The following C20orf203 variants were observed in gnomAD, a reference collection of about 807,000 sequenced individuals.
The protein encoded by C20orf203 is chromosome 20 open reading frame 203, also known as uncharacterized protein C20orf203.
A neutral mutation model predicts 15.9 loss-of-function variants in C20orf203; 16 were observed. The observed-to-expected ratio is 1.01, with a 90% CI of 0.68 to 1.53. C20orf203 has a LOEUF of 1.53. Ranked by LOEUF, C20orf203 falls within the 40% of genes most tolerant of loss-of-function variation. C20orf203 has a pLI of 0.00. For missense variants in C20orf203, 263 were observed against 247.5 expected (o/e 1.06, Z -0.42); for synonymous variants, 98 against 97.2 (o/e 1.01, Z -0.05).
In C20orf203 at chr20:32,650,106, GC is replaced by G; in HGVS notation, c.*325del. On this transcript the variant is annotated 3_prime_UTR_variant, in exon 4 of 6. Transcript: ENST00000608990. ...CCTCCTCCCAGCACTCAGGGACCAAGCCAGAGAGATGTGCCAGCGCCTCCCA... is the reference window on the plus strand; with the variant it reads ...CCTCCTCCCAGCACTCAGGGACCAAGCAGAGAGATGTGCCAGCGCCTCCCA... 3.3e-6 allele frequency: 1 copy of G among 304,520 alleles called. No individual in the cohort carries two copies. The allele number at this position is 304,520 out of a possible 1,614,324, so 18.9% of individuals were successfully genotyped here. A position where few individuals can be genotyped will look rare whatever the true frequency, so the allele number is the denominator to read the frequency against.
At chr20:32,652,204 G>T (rs1291795618) in intron 1 of C20orf203, among the ~76,000 whole-genome samples, 2 of 151,372 alleles carry the variant, frequency 1.3e-5, no homozygotes, top group African/African-American at 4.9e-5. Flanking sequence ...AACTACTTGG[G>T]AGACTGAGGC....
intron 1 of C20orf203, among the ~76,000 whole-genome samples, chr20:32,652,250 C>T (rs529685863): frequency 1.5e-5 from 2 of 132,460 alleles, no homozygotes; most frequent in African/African-American, 5.8e-5. Context: ...GCAGAGGTTA[C>T]AGTGAACTGA....
At chr20:32,661,673 C>T (rs934413244) in intron 1 of C20orf203, among the ~76,000 whole-genome samples, 2 of 152,036 alleles carry the variant, frequency 1.3e-5, no homozygotes, top group Non-Finnish European at 2.9e-5. Context: ...GGGACTAAAT[C>T]AGGGCCCTGA....
At chr20:32,644,085 C>T (rs1982358306) in intron 4 of C20orf203, among the ~76,000 whole-genome samples, 1 of 152,304 alleles carries the variant, frequency 6.6e-6, no homozygotes. Context: ...CCTCTGGCTA[C>T]CCCAAACCAG....
intron 5 of C20orf203, among the ~76,000 whole-genome samples, chr20:32,636,640 C>T (rs1982145221): frequency 1.3e-5 from 2 of 152,176 alleles, no homozygotes; most frequent in African/African-American, 4.8e-5. Flanking sequence ...GTCCTCACAC[C>T]CACCTGCGCC....
chr20:32,668,397 G>A (rs1405771570), intron 1 of C20orf203, among the ~76,000 whole-genome samples: 1 of 151,990 alleles, frequency 6.6e-6, no homozygotes, highest in Non-Finnish European at 1.5e-5. Flanking sequence ...AGGCCGAGGC[G>A]GGTGGATCAT....
At chr20:32,668,654 A>C (rs993498052) in intron 1 of C20orf203, among the ~76,000 whole-genome samples, 8 of 151,764 alleles carry the variant, frequency 5.3e-5, no homozygotes, top group African/African-American at 1.9e-4. Context: ...AAATAAAAAT[A>C]AATTAAAAAA....
Position 32,650,829 on chromosome 20 carries a change from C to A in C20orf203, c.188G>T (p.Gly63Val). The change falls in exon 4 of 6, where the codon GGG (glycine) becomes GTG (valine). Residue 63 changes from glycine (G) to valine (V), a missense_variant. Transcript: ENST00000608990. ...AGCCTTTGAGGTCCTCCTTCCCGCC[C>A]CACCGCCAAGGTCCCAGAGGTGGGC... ...LTAHLWDLGG[G>V]AGRRTSKAQR... is the part of the protein sequence containing the mutation. 1 of 1,472,522 alleles carries A rather than the reference C, an allele frequency of 6.8e-7. No individual in the cohort carries two copies. Among genetic ancestry groups the A allele is most frequent in the Non-Finnish European group, 9.0e-7 (1 of 1,109,418 alleles). 91.2% of individuals were successfully genotyped at this position (1,472,522 alleles called of 1,614,324 possible). A position where few individuals can be genotyped will look rare whatever the true frequency, so the allele number is the denominator to read the frequency against.
intron 1 of C20orf203, among the ~76,000 whole-genome samples, chr20:32,666,732 C>T (rs1281773839): frequency 2.9e-5 from 4 of 138,754 alleles, no homozygotes; most frequent in Admixed American, 7.5e-5. Flanking sequence ...CACTGCACTC[C>T]AGCCTGGGTG....
At chr20:32,654,000 C>T (rs529792977) in intron 1 of C20orf203, among the ~76,000 whole-genome samples, 7 of 149,886 alleles carry the variant, frequency 4.7e-5, no homozygotes, top group Non-Finnish European at 1.0e-4. Flanking sequence ...GGCTGAAGCA[C>T]AAGAATTGCT....
At chr20:32,672,424 T>C (rs901949019) in intron 1 of C20orf203, among the ~76,000 whole-genome samples, 20 of 151,944 alleles carry the variant, frequency 1.3e-4, no homozygotes, top group Non-Finnish European at 4.4e-5. Context: ...TACATATGTA[T>C]TAGCTGGGTG....
rs1983227215 is a variant in C20orf203, at chr20:32,673,638, G to T, written c.-270C>A. The T allele has an allele frequency of 6.6e-6, 1 of 152,448 alleles. No homozygotes were observed. Among genetic ancestry groups the T allele is most frequent in the Non-Finnish European group, 1.5e-5 (1 of 68,180 alleles). 9.4% of individuals were successfully genotyped at this position (152,448 alleles called of 1,614,324 possible). A position where few individuals can be genotyped will look rare whatever the true frequency, so the allele number is the denominator to read the frequency against. On this transcript the variant is annotated 5_prime_UTR_variant, in exon 1 of 6. Coordinates refer to ENST00000608990, the MANE Select transcript of C20orf203 (RefSeq NM_182584.4). ...CAGGCTGCATTCCACCCACCTGCAG[G>T]CTCCTCTGCCCGGCATTCATCTGTG...
At chr20:32,647,392 T>C (rs1462189462) in intron 4 of C20orf203, among the ~76,000 whole-genome samples, 1 of 105,860 alleles carries the variant, frequency 9.4e-6, no homozygotes, top group Non-Finnish European at 2.0e-5. Context: ...TGAAACTCCG[T>C]CTCAAAAAAA....
At position 32,651,910 on chromosome 20, in the gene C20orf203, G is replaced by A. The variant is rs1982639004; in HGVS notation, c.-192C>T. ...TTTGTTGAGCATCTACTGGATGCAG[G>A]GTCCTGAACAAGACCCCAGGAAGGG... On this transcript the variant is annotated 5_prime_UTR_variant, in exon 2 of 6. Transcript: ENST00000608990. 1 of 152,164 alleles carries A rather than the reference G, an allele frequency of 6.6e-6. No homozygotes were observed. The highest frequency in any genetic ancestry group is 2.1e-4 in the South Asian group (1 of 4,824). 9.4% of individuals were successfully genotyped at this position (152,164 alleles called of 1,614,324 possible). A position where few individuals can be genotyped will look rare whatever the true frequency, so the allele number is the denominator to read the frequency against.
intron 1 of C20orf203, among the ~76,000 whole-genome samples, chr20:32,662,918 G>GATAT (rs35258914): frequency 0.2 from 27,052 of 133,264 alleles, 3,065 homozygotes; most frequent in Non-Finnish European, 0.26. Context: ...GGAACAGCTA[G>GATAT]ATATATATAT....
chr20:32,650,906 A>G, intron 3 of C20orf203, 25 bp from the exon 4 acceptor site: 1 of 1,445,146 alleles, frequency 6.9e-7, no homozygotes, highest in Non-Finnish European at 9.1e-7. Context: ...GCCCCCAAGA[A>G]GATCATAGAA....
At chr20:32,654,458 C>T (rs1982709092) in intron 1 of C20orf203, among the ~76,000 whole-genome samples, 2 of 152,192 alleles carry the variant, frequency 1.3e-5, no homozygotes, top group African/African-American at 4.8e-5. Context: ...CATCAAAATT[C>T]CAACTTGGTT....
intron 1 of C20orf203, among the ~76,000 whole-genome samples, chr20:32,667,355 T>C (rs6058795): frequency 1.4e-3 from 212 of 152,336 alleles, no homozygotes; most frequent in African/African-American, 4.9e-3. Context: ...CCCAGTGAGA[T>C]GCCCAGGTGG....
chr20:32,663,684 C>T (rs1468952494), intron 1 of C20orf203, among the ~76,000 whole-genome samples: 1 of 152,202 alleles, frequency 6.6e-6, no homozygotes, highest in East Asian at 1.9e-4. Context: ...TGGGCTGGGG[C>T]TGGATGGCAG....
Sources: allele counts gnomAD v4.1 joint callset (sites outside exome capture counted in the v4.1 genomes callset), GRCh38; gene constraint gnomAD v4.1.1; transcripts MANE v1.5; gene names NCBI Gene and HGNC (gene_info 2026-07-23, HGNC 2026-07-21).